Variants in MEF2A observed in about 807,000 individuals in gnomAD.
MEF2A encodes myocyte-specific enhancer factor 2A.
MEF2A carries 28 observed loss-of-function variants against 55.8 expected under a neutral mutation model. That is an observed-to-expected ratio of 0.50 (90% CI 0.37 to 0.69). The LOEUF (loss-of-function observed/expected upper bound fraction) is 0.69, where lower values mean the gene tolerates loss of function less well. MEF2A is among the 30% of genes least tolerant of loss of function. MEF2A has a pLI of 0.00. For synonymous variants in MEF2A, 239 were observed against 227.1 expected (o/e 1.05, Z -0.47); for missense variants, 528 against 626.2 (o/e 0.84, Z 1.67).
intron 1 of MEF2A, among the ~76,000 whole-genome samples, chr15:99,596,760 A>G (rs1001268003): frequency 3.3e-5 from 5 of 152,314 alleles, no homozygotes; most frequent in East Asian, 1.9e-4. Flanking sequence ...GTCCTGCTCT[A>G]TCTTCAAGCA....
chr15:99,572,535 C>T (rs1267136528), intron 1 of MEF2A, among the ~76,000 whole-genome samples: 1 of 144,556 alleles, frequency 6.9e-6, no homozygotes, highest in Non-Finnish European at 1.6e-5. Flanking sequence ...AGGCAGAGGC[C>T]TTGTTCATCT....
In MEF2A at chr15:99,587,870, T is replaced by C. The variant is rs550575737; in HGVS notation, c.-224-10560T>C. 2.0e-5 allele frequency among the ~76,000 whole-genome samples: 3 copies of C among 152,268 alleles called. No homozygotes were observed. In the South Asian group the frequency reaches 6.2e-4, roughly 32 times the overall value. ...TGTTTTTTACTGTGTGTGATGTTTGTGAATAGAACCTGTTTTAATTCTTCC... is the reference window on the plus strand; with the variant it reads ...TGTTTTTTACTGTGTGTGATGTTTGCGAATAGAACCTGTTTTAATTCTTCC... On this transcript the variant is annotated intron_variant, in intron 1 of 11. Coordinates refer to ENST00000557942, the MANE Select transcript of MEF2A (RefSeq NM_001319206.4).
At chr15:99,678,672 G>T (rs2052592620) in intron 7 of MEF2A, 2 of 984,936 alleles carry the variant, frequency 2.0e-6, no homozygotes. Flanking sequence ...AAAAGAAGAG[G>T]CATCCTTGAG....
Position 99,710,336 on chromosome 15 carries a change from G to A in MEF2A, c.1010-298G>A, listed in dbSNP as rs376748772. Among the ~76,000 whole-genome samples the A allele has an allele frequency of 3.0e-4, 46 of 152,214 alleles. 1 individual carries two copies. The East Asian group carries it at 6.2e-3, about 20-fold the overall frequency. On this transcript the variant is annotated intron_variant, in intron 10 of 11. Coordinates refer to ENST00000557942, the MANE Select transcript of MEF2A (RefSeq NM_001319206.4). Reference sequence around the variant, plus strand: ...CGGCTCACTGCAGCCTCTGCCTCCCGGGTTCAAGCAGTTCTCCTGCCTCAG... The same window carrying A: ...CGGCTCACTGCAGCCTCTGCCTCCCAGGTTCAAGCAGTTCTCCTGCCTCAG...
chr15:99,597,373 A>G (rs888271815), intron 1 of MEF2A, among the ~76,000 whole-genome samples: 1 of 152,268 alleles, frequency 6.6e-6, no homozygotes, highest in East Asian at 1.9e-4. Flanking sequence ...CAGGCTCATT[A>G]GGAAGAGGAA....
At chr15:99,601,295 C>A (rs758081415) in intron 2 of MEF2A, among the ~76,000 whole-genome samples, 2 of 152,060 alleles carry the variant, frequency 1.3e-5, no homozygotes, top group African/African-American at 2.4e-5. Context: ...TAGATTTCTT[C>A]AAATCATCTG....
chr15:99,581,621 T>G (rs549498910), intron 1 of MEF2A, among the ~76,000 whole-genome samples: 1 of 152,302 alleles, frequency 6.6e-6, no homozygotes, highest in Non-Finnish European at 1.5e-5. Context: ...ACTCTGTCCC[T>G]TATCTGTTTC....
At chr15:99,699,738 A>G (rs760313545) in intron 8 of MEF2A, among the ~76,000 whole-genome samples, 31 of 152,210 alleles carry the variant, frequency 2.0e-4, no homozygotes, top group Non-Finnish European at 1.9e-4. Flanking sequence ...ACTGTGCTCT[A>G]GATGGTAAAT....
intron 2 of MEF2A, among the ~76,000 whole-genome samples, chr15:99,601,807 TTGTGTGTGTGTGTG>T (rs56729766): frequency 0.018 from 2,517 of 138,890 alleles, 31 homozygotes; most frequent in South Asian, 0.032. Context: ...TTTGTCTGTT[TTGTGTGTGTGTGTG>T]TGTGTGTGTG....
chr15:99,634,772 AC>A lies in MEF2A; in HGVS notation c.54+1600del, dbSNP rs1567279137. ...AAGCAACTAGAATGAGGCTGTTCTT[AC>A]GTTGGACTTAGCTGCTGTGTCAGCT... On this transcript the variant is annotated intron_variant, in intron 3 of 11. Coordinates refer to ENST00000557942, the MANE Select transcript of MEF2A (RefSeq NM_001319206.4). 6.6e-5 allele frequency among the ~76,000 whole-genome samples: 10 copies of A among 152,350 alleles called. No homozygotes were observed. In the South Asian group the frequency reaches 1.9e-3, roughly 28 times the overall value.
intron 4 of MEF2A, among the ~76,000 whole-genome samples, chr15:99,662,743 G>A (rs1319966694): frequency 4.6e-5 from 7 of 152,154 alleles, no homozygotes; most frequent in Non-Finnish European, 1.0e-4. Flanking sequence ...CTCCCAAAGT[G>A]CTAGGATTAC....
chr15:99,578,912 T>G (rs7178948), intron 1 of MEF2A, among the ~76,000 whole-genome samples: 68,282 of 152,102 alleles, frequency 0.45, 17,353 homozygotes, highest in Middle Eastern at 0.62. Flanking sequence ...ATGTGTTACT[T>G]TACCATGAAA....
chr15:99,664,595 A>AG (rs1396716109), intron 4 of MEF2A, among the ~76,000 whole-genome samples: 36 of 152,346 alleles, frequency 2.4e-4, no homozygotes, highest in African/African-American at 8.7e-4. Context: ...GACATAAGAT[A>AG]GTGCAGGCTT....
At chr15:99,669,142 A>G (rs1472777932) in intron 4 of MEF2A, among the ~76,000 whole-genome samples, 1 of 152,238 alleles carries the variant, frequency 6.6e-6, no homozygotes, top group East Asian at 1.9e-4. Flanking sequence ...GGCAATTAAA[A>G]TGTGGTCAAA....
intron 1 of MEF2A, among the ~76,000 whole-genome samples, chr15:99,586,570 A>G (rs1967351001): frequency 6.6e-6 from 1 of 152,144 alleles, no homozygotes; most frequent in Admixed American, 6.5e-5. Context: ...TATTCTACAT[A>G]GAAGTCTTTT....
chr15:99,632,870 A>G (rs2043164006), intron 2 of MEF2A, 108 bp from the exon 3 acceptor site: 1 of 325,532 alleles, frequency 3.1e-6, no homozygotes, highest in Admixed American at 4.8e-5. Flanking sequence ...CAGAAATTTC[A>G]ACTAATAATG....
At chr15:99,660,104 GATA>G (rs1325676910) in intron 4 of MEF2A, among the ~76,000 whole-genome samples, 1 of 152,122 alleles carries the variant, frequency 6.6e-6, no homozygotes, top group Non-Finnish European at 1.5e-5. Flanking sequence ...GAGTTGCAAA[GATA>G]ATAATCAGAA....
chr15:99,678,509 C>G, intron 7 of MEF2A: 2 of 356,494 alleles, frequency 5.6e-6, no homozygotes, highest in Non-Finnish European at 7.9e-6. Context: ...TTTGCGTTAC[C>G]TTTAAACCAT....
At chr15:99,626,707 G>C (rs2042106199) in intron 2 of MEF2A, among the ~76,000 whole-genome samples, 1 of 152,146 alleles carries the variant, frequency 6.6e-6, no homozygotes, top group East Asian at 1.9e-4. Context: ...GATAGGGTTT[G>C]CATTCAGTCT....
Sources: allele counts gnomAD v4.1 joint callset (sites outside exome capture counted in the v4.1 genomes callset), GRCh38; gene constraint gnomAD v4.1.1; transcripts MANE v1.5; gene names NCBI Gene and HGNC (gene_info 2026-07-23, HGNC 2026-07-21).